NTM: variants seen among roughly 807,000 people sequenced by gnomAD.
The protein encoded by NTM is neurotrimin.
NTM carries 13 observed loss-of-function variants against 42.1 expected under a neutral mutation model. The ratio of observed to expected loss-of-function variants is 0.31; its 90% confidence interval spans 0.20 to 0.49. The LOEUF (loss-of-function observed/expected upper bound fraction) is 0.49. Among genes scored for constraint, NTM ranks in the 20% least tolerant of loss-of-function variants. NTM has a pLI of 0.99. For missense variants in NTM, 373 were observed against 452.8 expected (o/e 0.82, Z 1.60); for synonymous variants, 187 against 179.2 (o/e 1.04, Z -0.35).
intron 1 of NTM, chr11:131,538,728 G>A (rs945049255): frequency 1.3e-5 from 2 of 152,198 alleles, no homozygotes; most frequent in African/African-American, 2.4e-5. Flanking sequence ...GTTTGTTAAA[G>A]GGCAAGGTGG....
chr11:132,080,454 T>C (rs1028247687), intron 2 of NTM, among the ~76,000 whole-genome samples: 1 of 152,220 alleles, frequency 6.6e-6, no homozygotes, highest in Non-Finnish European at 1.5e-5. Flanking sequence ...CAGCCACGGG[T>C]AGACAGCTTT....
intron 1 of NTM, among the ~76,000 whole-genome samples, chr11:131,683,172 C>A: frequency 6.6e-6 from 1 of 152,330 alleles, no homozygotes; most frequent in Non-Finnish European, 1.5e-5. Context: ...GGTCTGCATG[C>A]TTTATTCCTA....
intron 1 of NTM, among the ~76,000 whole-genome samples, chr11:131,905,255 C>T (rs550542709): frequency 6.6e-6 from 1 of 152,354 alleles, no homozygotes; most frequent in South Asian, 2.1e-4. Context: ...GAATATTTGA[C>T]TTCTGGTCTG....
intron 1 of NTM, among the ~76,000 whole-genome samples, chr11:131,561,022 T>A (rs2056159946): frequency 6.6e-6 from 1 of 152,206 alleles, no homozygotes. Context: ...CCTTCGTCTC[T>A]CAGAAAAGCC....
At chr11:131,803,534 T>C (rs932679147) in intron 1 of NTM, among the ~76,000 whole-genome samples, 20 of 152,166 alleles carry the variant, frequency 1.3e-4, no homozygotes, top group Non-Finnish European at 2.6e-4. Flanking sequence ...AGTCTCAAAC[T>C]CCTGACCTCA....
chr11:131,670,415 A>G (rs1012357264), intron 1 of NTM, among the ~76,000 whole-genome samples: 1 of 136,794 alleles, frequency 7.3e-6, no homozygotes, highest in Non-Finnish European at 1.6e-5. Flanking sequence ...TTTCTTTCTT[A>G]TACATTTATT....
intron 1 of NTM, among the ~76,000 whole-genome samples, chr11:131,770,221 C>G (rs2085832898): frequency 6.6e-6 from 1 of 152,232 alleles, no homozygotes; most frequent in Non-Finnish European, 1.5e-5. Flanking sequence ...TGTCCCCTGA[C>G]AGAGGAGACC....
At chr11:131,566,237 T>A (rs1297058559) in intron 1 of NTM, among the ~76,000 whole-genome samples, 1 of 152,192 alleles carries the variant, frequency 6.6e-6, no homozygotes, top group Non-Finnish European at 1.5e-5. Context: ...CCACACTGAT[T>A]GAGCTCAAAT....
chr11:131,971,237 C>G (rs1031379607), intron 2 of NTM, among the ~76,000 whole-genome samples: 14 of 152,204 alleles, frequency 9.2e-5, no homozygotes, highest in Admixed American at 7.9e-4. Context: ...TTTCTCTAAT[C>G]TCTGATTCCC....
At chr11:132,029,437 G>A (rs1049656325) in intron 2 of NTM, among the ~76,000 whole-genome samples, 2 of 148,706 alleles carry the variant, frequency 1.3e-5, no homozygotes, top group African/African-American at 5.0e-5. Flanking sequence ...GAGAACATGC[G>A]GTGTTTGGTT....
intron 1 of NTM, among the ~76,000 whole-genome samples, chr11:131,613,987 T>C (rs907677248): frequency 1.1e-4 from 17 of 152,278 alleles, no homozygotes; most frequent in Admixed American, 6.5e-5. Context: ...ACCATGTTTT[T>C]CCCTCCCTGC....
intron 1 of NTM, among the ~76,000 whole-genome samples, chr11:131,405,250 T>G (rs1349246233): frequency 6.6e-6 from 1 of 152,344 alleles, no homozygotes; most frequent in South Asian, 2.1e-4. Flanking sequence ...AGATTACATC[T>G]GTTGACTGCC....
chr11:131,852,095 G>A (rs1314802265), intron 1 of NTM, among the ~76,000 whole-genome samples: 1 of 152,138 alleles, frequency 6.6e-6, no homozygotes, highest in Non-Finnish European at 1.5e-5. Context: ...GACAGAGCGG[G>A]AGTGTGGGGA....
intron 2 of NTM, among the ~76,000 whole-genome samples, chr11:131,924,857 T>C (rs191052111): frequency 9.8e-5 from 15 of 152,378 alleles, no homozygotes; most frequent in African/African-American, 3.1e-4. Context: ...CATTATAATT[T>C]ATATTTTCTG....
At chr11:132,327,014 C>A (rs117048872) in intron 7 of NTM, among the ~76,000 whole-genome samples, 37 of 152,326 alleles carry the variant, frequency 2.4e-4, no homozygotes, top group Non-Finnish European at 5.0e-4. Flanking sequence ...AAGAGAATTT[C>A]ATTCTTCCTC....
At chr11:132,052,909 A>G (rs1472191093) in intron 2 of NTM, among the ~76,000 whole-genome samples, 2 of 151,516 alleles carry the variant, frequency 1.3e-5, no homozygotes, top group Non-Finnish European at 2.9e-5. Context: ...TTTTTTTCTC[A>G]TGGTGTCTCT....
intron 2 of NTM, among the ~76,000 whole-genome samples, chr11:132,142,715 C>A (rs1158471564): frequency 6.6e-6 from 1 of 152,110 alleles, no homozygotes; most frequent in Non-Finnish European, 1.5e-5. Context: ...TGGATGTGTT[C>A]AGAACCGCAG....
chr11:131,859,116 G>A (rs902666656), intron 1 of NTM, among the ~76,000 whole-genome samples: 3 of 152,046 alleles, frequency 2.0e-5, no homozygotes, highest in East Asian at 1.9e-4. Context: ...GTGTGCATCC[G>A]TCTGTCCGTC....
chr11:131,719,429 G>A (rs181051738), intron 1 of NTM, among the ~76,000 whole-genome samples: 8 of 152,270 alleles, frequency 5.3e-5, no homozygotes, highest in African/African-American at 1.4e-4. Flanking sequence ...TGAAGATAGC[G>A]CTTCTAAAAA....
Sources: allele counts gnomAD v4.1 joint callset (sites outside exome capture counted in the v4.1 genomes callset), GRCh38; gene constraint gnomAD v4.1.1; transcripts MANE v1.5; gene names NCBI Gene and HGNC (gene_info 2026-07-23, HGNC 2026-07-21).